The following BCAS3 variants were observed in gnomAD, a reference collection of about 807,000 sequenced individuals.
The protein encoded by BCAS3 is BCAS3 microtubule associated cell migration factor.
BCAS3 carries 53 observed loss-of-function variants against 116.1 expected under a neutral mutation model. That is an observed-to-expected ratio of 0.46 (90% CI 0.37 to 0.57). The LOEUF (loss-of-function observed/expected upper bound fraction) is 0.57. Among genes scored for constraint, BCAS3 ranks in the 20% least tolerant of loss-of-function variants. The pLI is 0.00. For synonymous variants in BCAS3, 391 were observed against 408.2 expected, an observed-to-expected ratio of 0.96 and a Z score of 0.51; for missense variants, 917 against 1,165.4, an observed-to-expected ratio of 0.79 and a Z score of 3.10.
rs1204781279 is a variant in BCAS3 at position 61,008,465 on chromosome 17, AAGC to A, written c.1487-7283_1487-7281del. ...TTAAATTGGATGGCAAGCAAGAACT[AAGC>A]AGTGTTTTTAACTTTTCAGAGCCCA... On this transcript the variant is annotated intron_variant, in intron 15 of 23. Transcript: ENST00000407086. The surrounding 1 kb of genome is among the most constrained non-coding windows in gnomAD (Gnocchi z 4.6). Among the ~76,000 whole-genome samples the A allele has an allele frequency of 6.6e-6, 1 of 152,062 alleles. No homozygotes were observed.
At chr17:61,119,825 T>C (rs2075691584) in intron 22 of BCAS3, among the ~76,000 whole-genome samples, 2 of 152,098 alleles carry the variant, frequency 1.3e-5, no homozygotes, top group South Asian at 4.1e-4. Flanking sequence ...AAAACATTCA[T>C]ACTATTTCTA....
At chr17:60,996,757 C>T (rs1474887969) in intron 15 of BCAS3, among the ~76,000 whole-genome samples, 1 of 152,054 alleles carries the variant, frequency 6.6e-6, no homozygotes, top group Non-Finnish European at 1.5e-5. Flanking sequence ...AAAGAGATGT[C>T]CCAGGACTGA....
At chr17:60,732,364 C>T (rs907126873) in intron 5 of BCAS3, among the ~76,000 whole-genome samples, 2 of 152,106 alleles carry the variant, frequency 1.3e-5, no homozygotes, top group Non-Finnish European at 2.9e-5. Flanking sequence ...GCAAGGAAAA[C>T]AAGTTGCAAG....
At chr17:60,999,383 C>G (rs142198614) in intron 15 of BCAS3, among the ~76,000 whole-genome samples, 10 of 151,058 alleles carry the variant, frequency 6.6e-5, no homozygotes, top group Non-Finnish European at 1.5e-4. Flanking sequence ...ACTAAAGAGA[C>G]AAAAAAAATT....
At chr17:60,836,531 C>A (rs2051391734) in intron 7 of BCAS3, among the ~76,000 whole-genome samples, 1 of 151,796 alleles carries the variant, frequency 6.6e-6, no homozygotes, top group Non-Finnish European at 1.5e-5. Context: ...GTTTTAATAT[C>A]TCCACATAGT....
rs181569414 is a variant in BCAS3, at chr17:61,219,416, G to A, written c.2425+134852G>A. ...CATGAGTCTTCCTTTCTCACAGGTG[G>A]CCCATTGACTTGGTCTCTGTGTGCC... On this transcript the variant is annotated intron_variant, in intron 22 of 23. Coordinates refer to ENST00000407086, the MANE Select transcript of BCAS3 (RefSeq NM_017679.5). The surrounding 1 kb of genome is among the most constrained non-coding windows in gnomAD (Gnocchi z 5.2). 6.6e-6 allele frequency among the ~76,000 whole-genome samples: 1 copy of A among 152,216 alleles called. No homozygotes were observed. The highest frequency in any genetic ancestry group is 6.5e-5 in the Admixed American group (1 of 15,284).
chr17:61,033,021 A>G (rs1022336590), intron 16 of BCAS3, among the ~76,000 whole-genome samples: 11 of 152,182 alleles, frequency 7.2e-5, no homozygotes, highest in African/African-American at 2.7e-4. Flanking sequence ...TCAGGAAATA[A>G]GATGTCTGAG....
rs568482378 is a variant in BCAS3, at chr17:61,381,367, A to C, written c.2594-10610A>C. On this transcript the variant is annotated intron_variant, in intron 23 of 23. Coordinates refer to ENST00000407086, the MANE Select transcript of BCAS3 (RefSeq NM_017679.5). This position sits in a 1 kb window ranked among gnomAD's most constrained non-coding sequence, Gnocchi z 6.0. ...GCACAAAGGCAGACCGGCATCAGCC[A>C]GGCCGTTTCCATCTGGACGGGCGGC... Among the ~76,000 whole-genome samples the C allele has an allele frequency of 7.9e-5, 12 of 152,338 alleles. No homozygotes were observed. The highest frequency in any genetic ancestry group is 2.6e-4 in the African/African-American group (11 of 41,582).
chr17:61,045,812 T>C (rs2068000172), intron 19 of BCAS3, among the ~76,000 whole-genome samples: 1 of 88,096 alleles, frequency 1.1e-5, no homozygotes, highest in Non-Finnish European at 2.1e-5. Flanking sequence ...TGAGTGAGAC[T>C]TCATCTCTCT....
chr17:60,697,049 G>A (rs1317376571), intron 4 of BCAS3, among the ~76,000 whole-genome samples: 6 of 151,580 alleles, frequency 4.0e-5, no homozygotes, highest in African/African-American at 1.5e-4. Context: ...AATTAGCTGG[G>A]TATGGTGGTA....
At chr17:60,776,458 C>A (rs767920159) in intron 6 of BCAS3, among the ~76,000 whole-genome samples, 5 of 152,176 alleles carry the variant, frequency 3.3e-5, no homozygotes, top group Admixed American at 2.0e-4. Context: ...CGGTGGCTCA[C>A]GCCTGTAATC....
chr17:60,785,837 G>C (rs1034796391), intron 6 of BCAS3, among the ~76,000 whole-genome samples: 1 of 152,322 alleles, frequency 6.6e-6, no homozygotes, highest in South Asian at 2.1e-4. Flanking sequence ...ATGGATCAAA[G>C]ATACTTAGAG....
chr17:60,761,210 T>C (rs542815804), intron 6 of BCAS3, among the ~76,000 whole-genome samples: 1 of 152,246 alleles, frequency 6.6e-6, no homozygotes, highest in Non-Finnish European at 1.5e-5. Flanking sequence ...TCTGGGATTT[T>C]ATGAATTTTT....
chr17:61,223,741 G>A (rs995923002), intron 22 of BCAS3, among the ~76,000 whole-genome samples: 3 of 152,234 alleles, frequency 2.0e-5, no homozygotes. Context: ...TTGAAAGGAA[G>A]ACTGTCTTGA....
rs2058870393 is a variant in BCAS3, at chr17:61,368,635, G to A, written c.2593+141G>A. The A allele has an allele frequency of 8.9e-6, 9 of 1,009,928 alleles. No homozygotes were observed. The highest frequency in any genetic ancestry group is 1.3e-5 in the Non-Finnish European group (9 of 713,816). 62.6% of individuals were successfully genotyped at this position (1,009,928 alleles called of 1,614,324 possible). The stretch of plus-strand genomic sequence containing the variant: ...TTAGCACTCCAGTGGCTATCCGTCT[G>A]AGGAGCTCTGGTGTTGGGAAACCCT... On this transcript the variant is annotated intron_variant, in intron 23 of 23. Transcript: ENST00000407086. The surrounding 1 kb of genome is among the most constrained non-coding windows in gnomAD (Gnocchi z 6.0).
intron 22 of BCAS3, among the ~76,000 whole-genome samples, chr17:61,301,857 C>T (rs889580499): frequency 1.3e-5 from 2 of 152,042 alleles, no homozygotes; most frequent in African/African-American, 4.8e-5. Context: ...AATGGGATTA[C>T]AGTTAAAAGA....
chr17:61,008,523 ACCATTGTATTCTTTGACAGAGT>A lies in BCAS3; in HGVS notation c.1487-7226_1487-7205del, dbSNP rs554663418. Among the ~76,000 whole-genome samples the A allele has an allele frequency of 1.6e-3, 240 of 152,178 alleles. 1 individual carries two copies. The highest frequency in any genetic ancestry group is 5.0e-3 in the African/African-American group (208 of 41,548). ...TCCAGTGACTATTTCAAAACAAGCT[ACCATTGTATTCTTTGACAGAGT>A]CAAGAAGTCAGAGCTTTTCAACTAC... On this transcript the variant is annotated intron_variant, in intron 15 of 23. Transcript: ENST00000407086. The surrounding 1 kb of genome is among the most constrained non-coding windows in gnomAD (Gnocchi z 4.6).
At chr17:61,121,673 T>G (rs1432562843) in intron 22 of BCAS3, among the ~76,000 whole-genome samples, 1 of 152,234 alleles carries the variant, frequency 6.6e-6, no homozygotes, top group Non-Finnish European at 1.5e-5. Context: ...TTCTTTAAAG[T>G]TTTTCCAAAG....
At chr17:61,277,086 G>A (rs1200233548) in intron 22 of BCAS3, among the ~76,000 whole-genome samples, 1 of 151,890 alleles carries the variant, frequency 6.6e-6, no homozygotes, top group East Asian at 1.9e-4. Flanking sequence ...AACATAATGA[G>A]ACCTTGTCTC....
Sources: gnomAD v4.1 joint callset for allele counts (sites outside exome capture counted in the v4.1 genomes callset) on GRCh38, gnomAD v4.1.1 for gene constraint, Gnocchi (gnomAD v3.1) non-coding constraint, MANE v1.5 for transcripts, NCBI Gene and HGNC (gene_info 2026-07-23, HGNC 2026-07-21) for gene names.